The following TCF12 variants were observed in gnomAD, a reference collection of about 807,000 sequenced individuals.
TCF12 encodes DNA-binding protein HTF4.
Under a neutral mutation model 86.0 loss-of-function variants are expected in TCF12, and 45 were observed. That is an observed-to-expected ratio of 0.52 (90% CI 0.41 to 0.67). The LOEUF is 0.67. Among genes scored for constraint, TCF12 ranks in the 30% least tolerant of loss-of-function variants. The probability of loss-of-function intolerance (pLI) is 0.00; values close to 1 mark genes in which losing one functional copy is unlikely to be tolerated. For synonymous variants in TCF12, 330 were observed against 299.6 expected, an observed-to-expected ratio of 1.10 and a Z score of -1.05; for missense variants, 881 against 859.9, an observed-to-expected ratio of 1.02 and a Z score of -0.31.
intron 3 of TCF12, among the ~76,000 whole-genome samples, chr15:56,974,053 C>T (rs1432009043): frequency 1.3e-5 from 2 of 152,028 alleles, no homozygotes; most frequent in Non-Finnish European, 2.9e-5. Context: ...GTTCAGTGTT[C>T]GTGGCTTTTC....
At chr15:57,001,219 TG>T (rs1367577645) in intron 3 of TCF12, 10 of 159,710 alleles carry the variant, frequency 6.3e-5, no homozygotes, top group Non-Finnish European at 1.4e-4. Flanking sequence ...TTTGCCATGT[TG>T]GCCAGGCTGG....
chr15:57,162,726 T>C (rs990116023), intron 5 of TCF12, among the ~76,000 whole-genome samples: 1 of 152,188 alleles, frequency 6.6e-6, no homozygotes, highest in Non-Finnish European at 1.5e-5. Flanking sequence ...ATCTATCATA[T>C]GGGTAGCCTC....
chr15:57,213,041 A>C (rs2058181048), intron 8 of TCF12, among the ~76,000 whole-genome samples: 1 of 152,182 alleles, frequency 6.6e-6, no homozygotes, highest in African/African-American at 2.4e-5. Flanking sequence ...ATTTCTTCCA[A>C]GTTTTATATC....
chr15:57,154,929 A>G (rs2054013540), intron 5 of TCF12, among the ~76,000 whole-genome samples: 1 of 152,198 alleles, frequency 6.6e-6, no homozygotes, highest in Admixed American at 6.5e-5. Context: ...AATAATAACT[A>G]AAATTTAATT....
intron 3 of TCF12, among the ~76,000 whole-genome samples, chr15:56,997,772 G>A (rs1248240811): frequency 7.2e-5 from 11 of 152,116 alleles, no homozygotes; most frequent in African/African-American, 2.7e-4. Flanking sequence ...TCAATTAAAA[G>A]TTTGTCAAGA....
At chr15:57,206,685 T>G (rs565642034) in intron 8 of TCF12, among the ~76,000 whole-genome samples, 1 of 145,488 alleles carries the variant, frequency 6.9e-6, no homozygotes, top group African/African-American at 2.5e-5. Context: ...CCTCCTGTAC[T>G]CGGAAGGCTG....
At chr15:57,087,645 T>G (rs1234088605) in intron 4 of TCF12, among the ~76,000 whole-genome samples, 1 of 152,130 alleles carries the variant, frequency 6.6e-6, no homozygotes, top group African/African-American at 2.4e-5. Context: ...ATGGAATTAT[T>G]TAAGATTTAC....
At chr15:57,010,087 A>G (rs1229355334) in intron 3 of TCF12, among the ~76,000 whole-genome samples, 1 of 152,122 alleles carries the variant, frequency 6.6e-6, no homozygotes, top group African/African-American at 2.4e-5. Flanking sequence ...TTTACTCTGC[A>G]TAACTGATTT....
chr15:57,185,947 G>GA (rs1289218778), intron 6 of TCF12, among the ~76,000 whole-genome samples: 10 of 151,304 alleles, frequency 6.6e-5, no homozygotes, highest in Non-Finnish European at 1.2e-4. Flanking sequence ...GATTGACTGA[G>GA]AAAAAAAAGA....
chr15:56,967,379 G>A (rs2140675585), intron 3 of TCF12, among the ~76,000 whole-genome samples: 1 of 152,064 alleles, frequency 6.6e-6, no homozygotes, highest in East Asian at 1.9e-4. Flanking sequence ...AGAAATACTT[G>A]TCAAGGACAT....
At chr15:57,228,627 C>T (rs1394690425) in intron 8 of TCF12, among the ~76,000 whole-genome samples, 5 of 151,958 alleles carry the variant, frequency 3.3e-5, no homozygotes, top group African/African-American at 4.8e-5. Context: ...CCATGACAAC[C>T]GTGAATAAAC....
At chr15:57,195,423 A>C (rs566821914) in intron 7 of TCF12, among the ~76,000 whole-genome samples, 5 of 152,246 alleles carry the variant, frequency 3.3e-5, no homozygotes, top group Admixed American at 6.5e-5. Context: ...TGGTAGGGGC[A>C]GTTCAGTTGA....
intron 3 of TCF12, among the ~76,000 whole-genome samples, chr15:57,026,266 G>A (rs76317973): frequency 6.6e-6 from 1 of 152,298 alleles, no homozygotes; most frequent in East Asian, 1.9e-4. Flanking sequence ...GATTTCACCA[G>A]CCAATAGTGT....
chr15:57,206,812 A>G (rs568337625), intron 8 of TCF12, among the ~76,000 whole-genome samples: 1 of 151,244 alleles, frequency 6.6e-6, no homozygotes, highest in Non-Finnish European at 1.5e-5. Flanking sequence ...CAACTTTCTG[A>G]TAGAACCTAA....
intron 3 of TCF12, among the ~76,000 whole-genome samples, chr15:56,984,819 A>G (rs1380774564): frequency 7.2e-5 from 11 of 152,132 alleles, no homozygotes; most frequent in Admixed American, 2.6e-4. Flanking sequence ...AGGGATTAAC[A>G]CCCTACCATT....
intron 7 of TCF12, among the ~76,000 whole-genome samples, chr15:57,196,106 C>T (rs896526623): frequency 3.3e-5 from 5 of 151,938 alleles, no homozygotes; most frequent in African/African-American, 9.7e-5. Flanking sequence ...CAGAGAATCA[C>T]TTGAGGCCAC....
chr15:57,024,808 T>G (rs183519983), intron 3 of TCF12, among the ~76,000 whole-genome samples: 6 of 152,294 alleles, frequency 3.9e-5, no homozygotes, highest in Admixed American at 3.9e-4. Context: ...ACCATGCACA[T>G]TCGTCAACAA....
chr15:57,159,169 G>A (rs900738358), intron 5 of TCF12, among the ~76,000 whole-genome samples: 6 of 152,212 alleles, frequency 3.9e-5, no homozygotes, highest in Admixed American at 1.3e-4. Flanking sequence ...TTATTTGGTT[G>A]ATTTTCCTAA....
At chr15:57,044,323 A>G (rs2067086991) in intron 3 of TCF12, among the ~76,000 whole-genome samples, 1 of 152,158 alleles carries the variant, frequency 6.6e-6, no homozygotes, top group Non-Finnish European at 1.5e-5. Context: ...GCACTTTGGG[A>G]GGCCGAGACA....
Sources: gnomAD v4.1 joint callset for allele counts (sites outside exome capture counted in the v4.1 genomes callset) on GRCh38, gnomAD v4.1.1 for gene constraint, MANE v1.5 for transcripts, NCBI Gene and HGNC (gene_info 2026-07-23, HGNC 2026-07-21) for gene names.